CFAP251: variants seen among roughly 807,000 people sequenced by gnomAD.
CFAP251 encodes the protein cilia and flagella associated protein 251.
Under a neutral mutation model 126.7 loss-of-function variants are expected in CFAP251, and 93 were observed. The observed-to-expected ratio is 0.73, with a 90% CI of 0.62 to 0.87. CFAP251 has a LOEUF of 0.87. Ranked by LOEUF, CFAP251 falls within the 40% of genes least tolerant of loss-of-function variation. The pLI is 0.00. For synonymous variants in CFAP251, 503 were observed against 506.9 expected (o/e 0.99, Z 0.10); for missense variants, 1,287 against 1,389.2 (o/e 0.93, Z 1.17).
chr12:121,958,075 A>G (rs1232035149), intron 11 of CFAP251, among the ~76,000 whole-genome samples, 197 bp from the exon 12 acceptor site: 1 of 152,234 alleles, frequency 6.6e-6, no homozygotes, highest in Non-Finnish European at 1.5e-5. Context: ...GACTCAATTT[A>G]CATGGAGAAA....
intron 3 of CFAP251, 146 bp downstream of exon 3, chr12:121,924,136 G>A: frequency 1.8e-6 from 2 of 1,093,678 alleles, no homozygotes; most frequent in Non-Finnish European, 2.5e-6. Flanking sequence ...TTTTAAGACA[G>A]TCTTGCTTTG....
At chr12:121,924,181 C>T (rs1219512772) in intron 3 of CFAP251, among the ~76,000 whole-genome samples, 191 bp downstream of exon 3, 2 of 152,070 alleles carry the variant, frequency 1.3e-5, no homozygotes, top group South Asian at 4.1e-4. Context: ...ACGATCTTGG[C>T]TCACTGCAGC....
At chr12:121,982,187 G>A (rs141077024) in intron 19 of CFAP251, among the ~76,000 whole-genome samples, 139 of 151,962 alleles carry the variant, frequency 9.1e-4, no homozygotes, top group African/African-American at 3.3e-3. Context: ...CAAATTGATG[G>A]CAGTCTTCTC....
At chr12:121,936,991 G>A (rs58504997) in intron 5 of CFAP251, among the ~76,000 whole-genome samples, 9,279 of 152,252 alleles carry the variant, frequency 0.061, 525 homozygotes, top group East Asian at 0.21. Context: ...CCGGTCAGCC[G>A]TGGTCTGCTG....
At chr12:121,953,842 T>C in intron 9 of CFAP251, 1 of 315,500 alleles carries the variant, frequency 3.2e-6, no homozygotes, top group Non-Finnish European at 5.8e-6. Flanking sequence ...AAGAGAAGTT[T>C]AACAGGTATA....
At chr12:121,928,622 ATGTG>A in intron 3 of CFAP251, among the ~76,000 whole-genome samples, 1 of 52,560 alleles carries the variant, frequency 1.9e-5, no homozygotes, top group East Asian at 5.6e-4. Flanking sequence ...TTTTATGTAT[ATGTG>A]TATATATATA....
chr12:121,971,742 T>G (rs1445036607), intron 17 of CFAP251: 2 of 638,670 alleles, frequency 3.1e-6, no homozygotes, highest in Non-Finnish European at 5.7e-6. Flanking sequence ...AGGACTTTTG[T>G]CTCCAATCTT....
intron 5 of CFAP251, among the ~76,000 whole-genome samples, chr12:121,937,643 A>G (rs139417815): frequency 1.1e-3 from 161 of 152,232 alleles, no homozygotes; most frequent in African/African-American, 3.7e-3. Flanking sequence ...GTGGGTGGGG[A>G]GGGAAGAGTT....
intron 19 of CFAP251, among the ~76,000 whole-genome samples, chr12:121,994,030 GGT>G (rs1201306860): frequency 1.1e-5 from 1 of 90,704 alleles, no homozygotes; most frequent in Admixed American, 1.0e-4. Context: ...GTGGGGGGGG[GGT>G]CAGCCCCCCC....
intron 14 of CFAP251, 55 bp from the exon 15 acceptor site, chr12:121,961,923 C>T: frequency 6.4e-7 from 1 of 1,560,750 alleles, no homozygotes; most frequent in South Asian, 1.2e-5. Flanking sequence ...GGTTCCTTAG[C>T]TGAGCCTTTA....
chr12:121,927,572 C>G (rs1880469380), intron 3 of CFAP251, among the ~76,000 whole-genome samples: 1 of 152,202 alleles, frequency 6.6e-6, no homozygotes, highest in Non-Finnish European at 1.5e-5. Context: ...GTTGGAATTT[C>G]AGGCATGAGC....
rs766102483 is a variant in CFAP251, at chr12:121,934,300, C to T, written c.942C>T (p.Ile314=). The T allele has an allele frequency of 5.0e-6, 8 of 1,614,040 alleles. No homozygotes were observed. The highest frequency in any genetic ancestry group is 3.3e-4 in the Middle Eastern group (2 of 6,062). Residue 314 remains isoleucine, a synonymous_variant, in exon 5 of 22, where the codon ATC becomes ATT. Transcript: ENST00000288912. ...CLCVSEDRRW[I]ATADKGPDCL... Reference sequence around the variant, plus strand: ...GCGTCAGTGAAGACAGGCGGTGGATCGCCACAGCAGACAAAGGGCCAGACT... The same window carrying T: ...GCGTCAGTGAAGACAGGCGGTGGATTGCCACAGCAGACAAAGGGCCAGACT...
chr12:121,919,125 T>TTTA (rs1555215091), intron 1 of CFAP251, among the ~76,000 whole-genome samples: 5 of 79,652 alleles, frequency 6.3e-5, no homozygotes, highest in Non-Finnish European at 1.1e-4. Flanking sequence ...TCATTATTTA[T>TTTA]TTATTATTAT....
At chr12:121,979,582 T>TTTTTTTTTTTG (rs1882566359) in intron 19 of CFAP251, among the ~76,000 whole-genome samples, 1 of 147,872 alleles carries the variant, frequency 6.8e-6, no homozygotes, top group Admixed American at 6.8e-5. Context: ...TTTTTTTTTT[T>TTTTTTTTTTTG]GAGACAGCAT....
rs1881953797 is a variant in CFAP251, at chr12:121,961,981, G to T, written c.2311G>T (p.Glu771Ter). ...LSLGTDRLLI[E>*]YDLLRSYKDH... ...GTCCATCTGGGCTCCTCTGCAGATA[G>T]AGTATGATCTTCTCAGGAGCTACAA... The change falls in exon 15 of 22, where the codon GAG becomes TAG. Residue 771 changes from glutamate to a stop codon, truncating the protein, a stop_gained. Transcript: ENST00000288912. LOFTEE classifies it high-confidence loss of function. 2 of 1,613,320 alleles carry T rather than the reference G, an allele frequency of 1.2e-6. No individual in the cohort carries two copies. Among genetic ancestry groups the T allele is most frequent in the East Asian group, 4.5e-5 (2 of 44,888 alleles).
At chr12:121,985,328 G>A (rs1882719971) in intron 19 of CFAP251, among the ~76,000 whole-genome samples, 1 of 152,038 alleles carries the variant, frequency 6.6e-6, no homozygotes, top group East Asian at 1.9e-4. Context: ...GAGGTCAGGA[G>A]TTCGAGACCA....
intron 4 of CFAP251, 93 bp from the exon 5 acceptor site, chr12:121,934,154 A>T: frequency 1.1e-6 from 1 of 928,286 alleles, no homozygotes; most frequent in Non-Finnish European, 1.6e-6. Context: ...AAAGGAGCTC[A>T]GATCTTTCTG....
chr12:121,964,818 G>A (rs1023923120), intron 15 of CFAP251, among the ~76,000 whole-genome samples: 1 of 152,166 alleles, frequency 6.6e-6, no homozygotes, highest in Non-Finnish European at 1.5e-5. Context: ...GAAATCTCAT[G>A]AACCCGGGAG....
chr12:121,997,751 G>GTTTTTT (rs199652481), intron 19 of CFAP251: 1 of 146,562 alleles, frequency 6.8e-6, no homozygotes, highest in East Asian at 2.0e-4. Context: ...AAATACAATA[G>GTTTTTT]TTTGTTTTTT....
Sources: gnomAD v4.1 joint callset for allele counts (sites outside exome capture counted in the v4.1 genomes callset) on GRCh38, gnomAD v4.1.1 for gene constraint, MANE v1.5 for transcripts, NCBI Gene and HGNC (gene_info 2026-07-23, HGNC 2026-07-21) for gene names.